NCAN: variants seen among roughly 807,000 people sequenced by gnomAD.
NCAN encodes the protein neurocan, also known as neurocan core protein.
In NCAN, 47 loss-of-function variants were observed where a neutral mutation model predicts 121.8. The observed-to-expected ratio is 0.39, with a 90% confidence interval of 0.31 to 0.49. The LOEUF (loss-of-function observed/expected upper bound fraction) is 0.49. Ranked by LOEUF, NCAN falls within the 20% of genes least tolerant of loss-of-function variation. NCAN has a pLI of 0.92. For synonymous variants in NCAN, 633 were observed against 702.0 expected, an observed-to-expected ratio of 0.90 and a Z score of 1.55; for missense variants, 1,517 against 1,773.4, an observed-to-expected ratio of 0.86 and a Z score of 2.60.
In NCAN at chr19:19,243,053, G is replaced by A. The variant is rs1207639086; in HGVS notation, c.3493-2260G>A. Among the ~76,000 whole-genome samples the A allele has an allele frequency of 2.0e-5, 3 of 151,454 alleles. 1 individual carries two copies. Among genetic ancestry groups the A allele is most frequent in the Admixed American group, 2.0e-4 (3 of 15,176 alleles). On this transcript the variant is annotated intron_variant, in intron 12 of 14. Coordinates refer to ENST00000252575, the MANE Select transcript of NCAN (RefSeq NM_004386.3). ...AAATAATAAACAAAATGTGGAATGA[G>A]CCAGGCATAGAAGGCCAGCTGTTGT...
At chr19:19,234,194 C>G (rs933544709) in intron 9 of NCAN, among the ~76,000 whole-genome samples, 2 of 152,148 alleles carry the variant, frequency 1.3e-5, no homozygotes, top group African/African-American at 2.4e-5. Flanking sequence ...TGCAAAGGCC[C>G]TTTGGAGATC....
At chr19:19,238,919 T>C (rs1452150220) in intron 11 of NCAN, 2 of 184,474 alleles carry the variant, frequency 1.1e-5, no homozygotes, top group African/African-American at 2.4e-5. Flanking sequence ...CCGGGACTTA[T>C]TGATTTATTC....
Position 19,228,214 on chromosome 19 carries a change from T to C in NCAN, c.2594T>C (p.Leu865Pro). Residue 865 changes from leucine to proline, a missense_variant, in exon 8 of 15, where the codon CTG becomes CCG. Leu to Pro is a moderately conservative substitution (Grantham distance 98). Transcript: ENST00000252575. ...ACCACCTTGAGCCCTCAGGTGGCCC[T>C]GGATACAAGCATTGTGACGCCCCTC... is the stretch of plus-strand genomic sequence containing the variant. The part of the protein sequence containing the change: ...ESTTLSPQVA[L>P]DTSIVTPLTT... 1 of 1,613,836 alleles carries C rather than the reference T, an allele frequency of 6.2e-7. No homozygotes were observed. Among genetic ancestry groups the C allele is most frequent in the Non-Finnish European group, 8.5e-7 (1 of 1,180,000 alleles).
At chr19:19,222,001 C>T (rs2060818525) in intron 3 of NCAN, among the ~76,000 whole-genome samples, 1 of 152,138 alleles carries the variant, frequency 6.6e-6, no homozygotes. Context: ...AGCAAACATC[C>T]CGTGGACTCC....
chr19:19,226,591 C>T lies in NCAN; in HGVS notation c.1178C>T (p.Thr393Ile), dbSNP rs2060837925. Residue 393 changes from threonine (T) to isoleucine (I), a missense_variant, in exon 7 of 15, where the codon ACC becomes ATC. By Grantham distance (89) the Thr-to-Ile change is moderately conservative. Coordinates refer to ENST00000252575, the MANE Select transcript of NCAN (RefSeq NM_004386.3). ...EGPPVRELEP[T>I]LEEEEVVTPD... ...CCCCCAGTTAGAGAACTGGAGCCCACCCTGGAGGAGGAAGAGGTGGTCACC... is the reference window on the plus strand; with the variant it reads ...CCCCCAGTTAGAGAACTGGAGCCCATCCTGGAGGAGGAAGAGGTGGTCACC... 1.9e-6 allele frequency: 3 copies of T among 1,613,758 alleles called. No individual in the cohort carries two copies. The highest frequency in any genetic ancestry group is 2.5e-6 in the Non-Finnish European group (3 of 1,179,986).
At chr19:19,223,900 G>A (rs755453542) in intron 3 of NCAN, 121 bp from the exon 4 acceptor site, 14 of 1,003,254 alleles carry the variant, frequency 1.4e-5, no homozygotes, top group Middle Eastern at 2.2e-4. Flanking sequence ...CCCACACTGT[G>A]CCTGGCGCTA....
intron 8 of NCAN, among the ~76,000 whole-genome samples, chr19:19,232,392 G>A (rs1441876098): frequency 6.6e-6 from 1 of 152,242 alleles, no homozygotes; most frequent in Non-Finnish European, 1.5e-5. Flanking sequence ...CACCTGGCGG[G>A]GCTCATGTGT....
intron 8 of NCAN, among the ~76,000 whole-genome samples, chr19:19,230,226 G>A (rs556070894): frequency 2.6e-4 from 39 of 151,828 alleles, no homozygotes; most frequent in Non-Finnish European, 5.0e-4. Flanking sequence ...TGTATTTTTA[G>A]TAGAGACAAG....
At chr19:19,216,619 T>C (rs2060797119) in intron 1 of NCAN, among the ~76,000 whole-genome samples, 1 of 151,718 alleles carries the variant, frequency 6.6e-6, no homozygotes, top group African/African-American at 2.4e-5. Context: ...TGCTAATTTT[T>C]TAAATAGAGG....
intron 12 of NCAN, among the ~76,000 whole-genome samples, chr19:19,242,428 G>A (rs996981122): frequency 1.3e-5 from 2 of 150,858 alleles, no homozygotes; most frequent in East Asian, 2.0e-4. Flanking sequence ...GGTGACTCAC[G>A]CCTGTAATCC....
chr19:19,231,278 A>T (rs1222398210), intron 8 of NCAN, among the ~76,000 whole-genome samples: 4 of 151,720 alleles, frequency 2.6e-5, no homozygotes, highest in African/African-American at 9.7e-5. Context: ...CCATGCAACT[A>T]AGGGAGTGTC....
At chr19:19,248,112 C>T (rs1462410222) in intron 13 of NCAN, among the ~76,000 whole-genome samples, 1 of 152,038 alleles carries the variant, frequency 6.6e-6, no homozygotes, top group Non-Finnish European at 1.5e-5. Context: ...TGTGCCACTG[C>T]ACTCCAGCCT....
At chr19:19,244,309 C>CTTTTTTTTT (rs532412223) in intron 12 of NCAN, among the ~76,000 whole-genome samples, 5 of 127,612 alleles carry the variant, frequency 3.9e-5, no homozygotes, top group Admixed American at 8.3e-5. Context: ...CCCTTACTAT[C>CTTTTTTTTT]TTTTTTTTTT....
intron 11 of NCAN, among the ~76,000 whole-genome samples, chr19:19,239,727 TCCCCAGG>T (rs2060895809): frequency 8.7e-6 from 1 of 114,730 alleles, no homozygotes; most frequent in Non-Finnish European, 1.8e-5. Context: ...CTCCTGCTCC[TCCCCAGG>T]CCTCCTCCCT....
rs1480139402 is a variant in NCAN, at chr19:19,238,437, C to G, written c.3409+26C>G. 43 of 1,613,666 alleles carry G rather than the reference C, an allele frequency of 2.7e-5. 1 individual carries two copies. The highest frequency in any genetic ancestry group is 3.6e-5 in the Non-Finnish European group (43 of 1,179,940). On this transcript the variant is annotated intron_variant, in intron 11 of 14. Coordinates refer to ENST00000252575, the MANE Select transcript of NCAN (RefSeq NM_004386.3). Reference sequence around the variant, plus strand: ...GTAGGGGCTCTGGGGAGGGGGCCACCTGCCTGGAGGGTGGGCAGGGGTGGC... The same window carrying G: ...GTAGGGGCTCTGGGGAGGGGGCCACGTGCCTGGAGGGTGGGCAGGGGTGGC...
At chr19:19,240,935 T>A (rs2060901182) in intron 12 of NCAN, among the ~76,000 whole-genome samples, 1 of 152,074 alleles carries the variant, frequency 6.6e-6, no homozygotes. Context: ...GTCTGATGCC[T>A]CCCCTACTCA....
chr19:19,248,911 A>T (rs768324164), intron 14 of NCAN, 29 bp downstream of exon 14: 2 of 1,607,794 alleles, frequency 1.2e-6, no homozygotes, highest in Non-Finnish European at 1.7e-6. Flanking sequence ...AGATCTCAAC[A>T]TAGGTTTTTG....
chr19:19,219,716 G>A (rs997237161), intron 3 of NCAN, among the ~76,000 whole-genome samples: 1 of 145,716 alleles, frequency 6.9e-6, no homozygotes, highest in Non-Finnish European at 1.5e-5. Context: ...TCTCTGAACC[G>A]GGATTCCCTT....
At position 19,228,118 on chromosome 19, in the gene NCAN, T is replaced by C; in HGVS notation, c.2498T>C (p.Val833Ala). The C allele has an allele frequency of 6.2e-7, 1 of 1,613,580 alleles. No individual in the cohort carries two copies. Among genetic ancestry groups the C allele is most frequent in the Non-Finnish European group, 8.5e-7 (1 of 1,180,008 alleles). The change falls in exon 8 of 15, where the codon GTC becomes GCC. Residue 833 changes from valine to alanine, a missense_variant. Coordinates refer to ENST00000252575, the MANE Select transcript of NCAN (RefSeq NM_004386.3). ...ACTGTGAATCCCATGGATTCCACAG[T>C]CACGCCGGCCCCCAGTGATGCTAGT... ...GPTVNPMDST[V>A]TPAPSDASGI...
Sources: allele counts gnomAD v4.1 joint callset (sites outside exome capture counted in the v4.1 genomes callset), GRCh38; gene constraint gnomAD v4.1.1; transcripts MANE v1.5; gene names NCBI Gene and HGNC (gene_info 2026-07-23, HGNC 2026-07-21).